FTO: variants seen among roughly 807,000 people sequenced by gnomAD.
FTO encodes FTO alpha-ketoglutarate dependent dioxygenase.
FTO carries 47 observed loss-of-function variants against 63.9 expected under a neutral mutation model. That is an observed-to-expected ratio of 0.74 (90% CI 0.58 to 0.94). FTO has a LOEUF of 0.94. Ranked by LOEUF, FTO falls within the 40% of genes least tolerant of loss-of-function variation. The pLI, the probability that FTO is intolerant of heterozygous loss-of-function variation, is 0.00. For synonymous variants in FTO, 207 were observed against 224.4 expected (o/e 0.92, Z 0.69); for missense variants, 562 against 618.1 (o/e 0.91, Z 0.96).
At chr16:53,771,526 A>G (rs2077341317) in intron 1 of FTO, among the ~76,000 whole-genome samples, 1 of 152,106 alleles carries the variant, frequency 6.6e-6, no homozygotes, top group African/African-American at 2.4e-5. Flanking sequence ...TCAAAACACA[A>G]CAAAACAAAT....
chr16:54,040,355 A>G (rs1256144245), intron 8 of FTO: 1 of 152,242 alleles, frequency 6.6e-6, no homozygotes, highest in Non-Finnish European at 1.5e-5. Flanking sequence ...TAACTAGATT[A>G]AAGACCTTCT....
At chr16:53,874,467 A>C (rs1210209406) in intron 5 of FTO, among the ~76,000 whole-genome samples, 1 of 152,174 alleles carries the variant, frequency 6.6e-6, no homozygotes, top group Non-Finnish European at 1.5e-5. Context: ...CATATTAGTC[A>C]TGTTGGGGTC....
chr16:53,836,129 G>A (rs2079285561), intron 3 of FTO, among the ~76,000 whole-genome samples: 1 of 152,138 alleles, frequency 6.6e-6, no homozygotes, highest in Non-Finnish European at 1.5e-5. Context: ...GACTTCAGGT[G>A]ATCTGCCCGC....
chr16:54,105,890 G>T (rs1430779788), intron 8 of FTO, among the ~76,000 whole-genome samples: 3 of 151,908 alleles, frequency 2.0e-5, no homozygotes, highest in Non-Finnish European at 4.4e-5. Context: ...TTCATCAAGA[G>T]TAATGGAAAT....
chr16:53,852,101 C>CAAAAAAAAAA (rs57004473), intron 4 of FTO, among the ~76,000 whole-genome samples: 836 of 54,376 alleles, frequency 0.015, 110 homozygotes, highest in East Asian at 0.073. Context: ...ACAAAAAATA[C>CAAAAAAAAAA]AAAAAAAAAA....
intron 4 of FTO, among the ~76,000 whole-genome samples, chr16:53,848,109 A>G (rs2079684400): frequency 6.6e-6 from 1 of 152,192 alleles, no homozygotes; most frequent in Non-Finnish European, 1.5e-5. Flanking sequence ...GATTTCTGAA[A>G]TGAATCTTCC....
intron 8 of FTO, among the ~76,000 whole-genome samples, chr16:54,068,887 G>A (rs1360230441): frequency 6.6e-6 from 1 of 152,026 alleles, no homozygotes; most frequent in Non-Finnish European, 1.5e-5. Flanking sequence ...TTCAGATTGT[G>A]TTCATCACAC....
intron 3 of FTO, among the ~76,000 whole-genome samples, chr16:53,839,126 G>C (rs1446912712): frequency 6.6e-6 from 1 of 152,146 alleles, no homozygotes; most frequent in Non-Finnish European, 1.5e-5. Flanking sequence ...CATTGAATGG[G>C]TTAATTTTGG....
chr16:53,950,181 T>TAAAAAAAAAAAAAAAAAAAAAA (rs1555497372), intron 8 of FTO, among the ~76,000 whole-genome samples: 4 of 48,062 alleles, frequency 8.3e-5, no homozygotes, highest in Non-Finnish European at 9.5e-5. Flanking sequence ...AAAAAAAAAC[T>TAAAAAAAAAAAAAAAAAAAAAA]TAATCCATGC....
At chr16:53,755,218 A>C (rs1400354797) in intron 1 of FTO, among the ~76,000 whole-genome samples, 1 of 152,164 alleles carries the variant, frequency 6.6e-6, no homozygotes, top group Non-Finnish European at 1.5e-5. Flanking sequence ...GCACCAGCCA[A>C]ATGTCATTTA....
chr16:53,907,321 A>G, intron 7 of FTO, among the ~76,000 whole-genome samples: 1 of 152,210 alleles, frequency 6.6e-6, no homozygotes, highest in Admixed American at 6.5e-5. Context: ...AGCCTATTTT[A>G]TAATAAAGTG....
chr16:54,053,655 A>G (rs1319614520), intron 8 of FTO, among the ~76,000 whole-genome samples: 1 of 152,180 alleles, frequency 6.6e-6, no homozygotes, highest in African/African-American at 2.4e-5. Context: ...TTGACTGTCA[A>G]CATTTGTTGG....
At chr16:53,969,088 G>A (rs2083259955) in intron 8 of FTO, among the ~76,000 whole-genome samples, 1 of 152,182 alleles carries the variant, frequency 6.6e-6, no homozygotes, top group Non-Finnish European at 1.5e-5. Flanking sequence ...GGGCAATGAA[G>A]CATTCTTATC....
intron 1 of FTO, among the ~76,000 whole-genome samples, chr16:53,741,839 T>C (rs2076533688): frequency 6.6e-6 from 1 of 152,220 alleles, no homozygotes. Context: ...GCTCAGGGTC[T>C]CACAAAGCTG....
At chr16:53,880,088 A>G in intron 6 of FTO, 101 bp downstream of exon 6, 2 of 834,076 alleles carry the variant, frequency 2.4e-6, no homozygotes, top group South Asian at 1.5e-5. Flanking sequence ...TCCATCTCCC[A>G]GGTTCAAGTG....
At chr16:54,017,541 A>G (rs1454129903) in intron 8 of FTO, among the ~76,000 whole-genome samples, 20 of 152,234 alleles carry the variant, frequency 1.3e-4, no homozygotes, top group African/African-American at 4.8e-4. Context: ...ATTCTGAAGC[A>G]GAACACTTGA....
intron 3 of FTO, among the ~76,000 whole-genome samples, chr16:53,841,988 T>C (rs895905645): frequency 2.0e-5 from 3 of 152,250 alleles, no homozygotes; most frequent in African/African-American, 7.2e-5. Context: ...AGCAATGCCA[T>C]GCTTTCTTAT....
At chr16:53,739,449 T>C (rs1250607475) in intron 1 of FTO, among the ~76,000 whole-genome samples, 9 of 151,300 alleles carry the variant, frequency 5.9e-5, no homozygotes, top group South Asian at 2.1e-4. Flanking sequence ...CTCCTGACCT[T>C]GTGATCCGCC....
chr16:53,977,785 C>T (rs563469866), intron 8 of FTO, among the ~76,000 whole-genome samples: 7 of 152,234 alleles, frequency 4.6e-5, no homozygotes, highest in African/African-American at 1.4e-4. Context: ...ACTTTTCTTG[C>T]TCATCATTCT....
Sources: gnomAD v4.1 joint callset for allele counts (sites outside exome capture counted in the v4.1 genomes callset) on GRCh38, gnomAD v4.1.1 for gene constraint, MANE v1.5 for transcripts, NCBI Gene and HGNC (gene_info 2026-07-23, HGNC 2026-07-21) for gene names.